The following ZDHHC21 variants were observed in gnomAD, a reference collection of about 807,000 sequenced individuals.
ZDHHC21 encodes the protein zDHHC palmitoyltransferase 21.
Under a neutral mutation model 34.6 loss-of-function variants are expected in ZDHHC21, and 15 were observed. The observed-to-expected ratio is 0.43, with a 90% CI of 0.29 to 0.67. The LOEUF (loss-of-function observed/expected upper bound fraction) is 0.67. Among genes scored for constraint, ZDHHC21 ranks in the 30% least tolerant of loss-of-function variants. ZDHHC21 has a pLI of 0.14. For synonymous variants in ZDHHC21, 142 were observed against 101.8 expected (o/e 1.40, Z -2.38); for missense variants, 344 against 327.7 (o/e 1.05, Z -0.38).
At chr9:14,603,424 G>C in the ZDHHC21 span, among the ~76,000 whole-genome samples, 4 of 152,002 alleles carry the variant, frequency 2.6e-5, no homozygotes, top group African/African-American at 9.7e-5. Context: ...TTAAATGCAT[G>C]CTATACTTCA....
At chr9:14,668,499 T>A (rs1587337734) in intron 5 of ZDHHC21, among the ~76,000 whole-genome samples, 1 of 114,242 alleles carries the variant, frequency 8.8e-6, no homozygotes, top group Non-Finnish European at 1.8e-5. Context: ...TGGAAAGAAC[T>A]ACTTTAAAGT....
intron 2 of ZDHHC21, among the ~76,000 whole-genome samples, chr9:14,688,739 G>A (rs1039441863): frequency 6.6e-6 from 1 of 152,166 alleles, no homozygotes; most frequent in African/African-American, 2.4e-5. Context: ...GTGGGCACCT[G>A]TAATCCAAGC....
rs1824419441 is a variant in ZDHHC21 at position 14,617,445 on chromosome 9, T to C, written c.*1521A>G. Reference sequence around the variant, plus strand: ...ATTTCTGAAAGAACTAACCACAGTATAGCCAACTGGCTGACAATGGTAACC... The same window carrying C: ...ATTTCTGAAAGAACTAACCACAGTACAGCCAACTGGCTGACAATGGTAACC... On this transcript the variant is annotated 3_prime_UTR_variant, in exon 10 of 10. Transcript: ENST00000380916. The C allele has an allele frequency of 6.6e-6, 1 of 152,050 alleles. No homozygotes were observed. Among genetic ancestry groups the C allele is most frequent in the Non-Finnish European group, 1.5e-5 (1 of 67,946 alleles). The allele number at this position is 152,050 out of a possible 1,614,324, so 9.4% of individuals were successfully genotyped here. A position where few individuals can be genotyped will look rare whatever the true frequency, so the allele number is the denominator to read the frequency against.
At chr9:14,634,903 CTCATTGAGA>C (rs1253061172) in intron 8 of ZDHHC21, among the ~76,000 whole-genome samples, 11 of 151,826 alleles carry the variant, frequency 7.2e-5, no homozygotes, top group Admixed American at 6.6e-4. Context: ...ATTAAAGAAG[CTCATTGAGA>C]TAAAGATAAT....
At chr9:14,636,276 A>G (rs997473130) in intron 8 of ZDHHC21, among the ~76,000 whole-genome samples, 1 of 152,236 alleles carries the variant, frequency 6.6e-6, no homozygotes, top group East Asian at 1.9e-4. Flanking sequence ...AGCTATACTT[A>G]TATCAGATAT....
intron 8 of ZDHHC21, among the ~76,000 whole-genome samples, chr9:14,629,531 A>G (rs929354985): frequency 1.3e-5 from 2 of 152,228 alleles, no homozygotes; most frequent in Admixed American, 1.3e-4. Flanking sequence ...CTCACTGCAT[A>G]TAAATGTTAT....
Position 14,616,635 on chromosome 9 carries a change from CT to C in ZDHHC21, c.*2330del, listed in dbSNP as rs1356344126. ...TGCCAGTTGGTTTTTCTCTAGTAGT[CT>C]AATAAGAATTAACAAAACCCACAGG... On this transcript the variant is annotated 3_prime_UTR_variant, in exon 10 of 10. Transcript: ENST00000380916. 1 of 151,586 alleles carries C rather than the reference CT, an allele frequency of 6.6e-6. No individual in the cohort carries two copies. Among genetic ancestry groups the C allele is most frequent in the African/African-American group, 2.4e-5 (1 of 41,330 alleles). The allele number at this position is 151,586 out of a possible 1,614,324, so 9.4% of individuals were successfully genotyped here. A position where few individuals can be genotyped will look rare whatever the true frequency, so the allele number is the denominator to read the frequency against.
At chr9:14,629,720 GGCCAGGGTGGTGGCT>G (rs1221084654) in intron 8 of ZDHHC21, among the ~76,000 whole-genome samples, 1 of 152,064 alleles carries the variant, frequency 6.6e-6, no homozygotes, top group African/African-American at 2.4e-5. Flanking sequence ...GCTTCTGATT[GGCCAGGGTGGTGGCT>G]GCTGAAGGCT....
Position 14,690,342 on chromosome 9 carries a change from T to C in ZDHHC21, c.-181A>G, listed in dbSNP as rs1261476814. On this transcript the variant is annotated 5_prime_UTR_variant, in exon 2 of 10. Transcript: ENST00000380916. ...TAAGAAAAATCTCTCCTCACCTGCT[T>C]GCTGAAGCTGAAAATCCTGCAGTAA... The C allele has an allele frequency of 2.2e-6, 1 of 456,344 alleles. No individual in the cohort carries two copies. The highest frequency in any genetic ancestry group is 6.9e-5 in the East Asian group (1 of 14,406). 28.3% of individuals were successfully genotyped at this position (456,344 alleles called of 1,614,324 possible).
intron 8 of ZDHHC21, among the ~76,000 whole-genome samples, chr9:14,634,303 C>G (rs1299072190): frequency 6.6e-6 from 1 of 152,222 alleles, no homozygotes; most frequent in Non-Finnish European, 1.5e-5. Flanking sequence ...ATTACCCACG[C>G]CATGCCCATT....
At chr9:14,690,531 A>G in intron 1 of ZDHHC21, 146 bp from the exon 2 acceptor site, 1 of 364,958 alleles carries the variant, frequency 2.7e-6, no homozygotes. Context: ...GGGGCAACAC[A>G]TCGGTTAAGA....
downstream of ZDHHC21, among the ~76,000 whole-genome samples, chr9:14,607,037 A>T (rs1238097379): frequency 1.3e-5 from 2 of 151,354 alleles, no homozygotes; most frequent in Non-Finnish European, 2.9e-5. Flanking sequence ...AATGGGCACA[A>T]ATATTTCTGC....
chr9:14,620,281 C>A (rs1403745187), intron 8 of ZDHHC21, among the ~76,000 whole-genome samples: 4 of 151,644 alleles, frequency 2.6e-5, no homozygotes, highest in African/African-American at 9.7e-5. Flanking sequence ...GGCTCTAACA[C>A]AAATATGTAA....
rs941373930 is a variant in ZDHHC21, at chr9:14,613,729, G to A, written c.*5237C>T. ...AAATATCCCAAATGTTAAAGTGAAA[G>A]CCACCCTTATATATTGTTTATTTTT... On this transcript the variant is annotated 3_prime_UTR_variant, in exon 10 of 10. Coordinates refer to ENST00000380916, the MANE Select transcript of ZDHHC21 (RefSeq NM_178566.6). 5 of 151,630 alleles carry A rather than the reference G, an allele frequency of 3.3e-5. No individual in the cohort carries two copies. The highest frequency in any genetic ancestry group is 5.9e-5 in the Non-Finnish European group (4 of 67,726). The allele number at this position is 151,630 out of a possible 1,614,324, so 9.4% of individuals were successfully genotyped here. A position where few individuals can be genotyped will look rare whatever the true frequency, so the allele number is the denominator to read the frequency against.
chr9:14,612,842 T>TCACA lies in ZDHHC21; in HGVS notation c.*6123_*6124insTGTG, dbSNP rs1823542808. ...TATTATTCTTTAAAGCCACTAAAGATTACACACACACACACACACACACAC... is the reference window on the plus strand; with the variant it reads ...TATTATTCTTTAAAGCCACTAAAGATCACATACACACACACACACACACACACAC... On this transcript the variant is annotated 3_prime_UTR_variant, in exon 10 of 10. Coordinates refer to ENST00000380916, the MANE Select transcript of ZDHHC21 (RefSeq NM_178566.6). 1.3e-5 allele frequency: 1 copy of TCACA among 78,428 alleles called. No individual in the cohort carries two copies. Among genetic ancestry groups the TCACA allele is most frequent in the Non-Finnish European group, 2.5e-5 (1 of 40,024 alleles). The allele number at this position is 78,428 out of a possible 1,614,324, so 4.9% of individuals were successfully genotyped here.
At chr9:14,603,160 G>C in the ZDHHC21 span, among the ~76,000 whole-genome samples, 2 of 152,016 alleles carry the variant, frequency 1.3e-5, no homozygotes, top group African/African-American at 2.4e-5. Flanking sequence ...TCACTGAAAT[G>C]TACTTAAAAT....
At chr9:14,629,500 G>C (rs1354139766) in intron 8 of ZDHHC21, among the ~76,000 whole-genome samples, 1 of 152,122 alleles carries the variant, frequency 6.6e-6, no homozygotes, top group East Asian at 1.9e-4. Flanking sequence ...AATAAAGCCG[G>C]TAGCAAAAAT....
At chr9:14,607,624 G>C (rs1376715986), downstream of ZDHHC21, among the ~76,000 whole-genome samples, 1 of 151,868 alleles carries the variant, frequency 6.6e-6, no homozygotes, top group Admixed American at 6.6e-5. Context: ...TATGGGCTGG[G>C]GGCGGGGGGG....
chr9:14,686,868 G>T (rs1838398533), intron 2 of ZDHHC21, among the ~76,000 whole-genome samples: 1 of 150,044 alleles, frequency 6.7e-6, no homozygotes, highest in Admixed American at 6.6e-5. Flanking sequence ...AACTACTTAG[G>T]AGGTTAAGGC....
Sources: allele counts gnomAD v4.1 joint callset (sites outside exome capture counted in the v4.1 genomes callset), GRCh38; gene constraint gnomAD v4.1.1; transcripts MANE v1.5; gene names NCBI Gene and HGNC (gene_info 2026-07-23, HGNC 2026-07-21).